Variants in EML6 observed in about 807,000 individuals in gnomAD.
EML6 encodes echinoderm microtubule-associated protein-like 6.
EML6 carries 154 observed loss-of-function variants against 240.1 expected under a neutral mutation model. The observed-to-expected ratio is 0.64, with a 90% CI of 0.56 to 0.73. EML6 has a LOEUF of 0.73. Among genes scored for constraint, EML6 ranks in the 30% least tolerant of loss-of-function variants. EML6 has a pLI of 0.00. For missense variants in EML6, 2,964 were observed against 2,474.6 expected (o/e 1.20, Z -4.20); for synonymous variants, 1,148 against 899.0 (o/e 1.28, Z -4.95).
At chr2:54,846,485 T>C (rs1281321774) in intron 8 of EML6, among the ~76,000 whole-genome samples, 1 of 4,324 alleles carries the variant, frequency 2.3e-4, no homozygotes, top group Non-Finnish European at 6.4e-4. Flanking sequence ...TGATACATAA[T>C]TTTTTTTTTT....
chr2:54,904,255 C>G (rs1242180626), intron 24 of EML6, among the ~76,000 whole-genome samples: 1 of 152,082 alleles, frequency 6.6e-6, no homozygotes, highest in Non-Finnish European at 1.5e-5. Context: ...CCGAATGGGC[C>G]ACGGCAGCAT....
chr2:54,899,939 A>C (rs565445394), intron 22 of EML6, among the ~76,000 whole-genome samples, 157 bp downstream of exon 22: 1 of 152,350 alleles, frequency 6.6e-6, no homozygotes, highest in South Asian at 2.1e-4. Flanking sequence ...AGTCATAACT[A>C]AGCACATGTA....
chr2:54,891,868 G>A (rs188487078), intron 18 of EML6, among the ~76,000 whole-genome samples: 1 of 152,264 alleles, frequency 6.6e-6, no homozygotes, highest in Non-Finnish European at 1.5e-5. Flanking sequence ...AGGGAGTGTG[G>A]GGAAATGTGA....
At chr2:54,953,351 G>T (rs1326874194) in intron 31 of EML6, among the ~76,000 whole-genome samples, 1 of 152,190 alleles carries the variant, frequency 6.6e-6, no homozygotes, top group Non-Finnish European at 1.5e-5. Context: ...GTTTGAATCT[G>T]CAGAGCAAAA....
intron 17 of EML6, among the ~76,000 whole-genome samples, chr2:54,888,417 A>C (rs1672272622): frequency 6.6e-6 from 1 of 152,174 alleles, no homozygotes; most frequent in South Asian, 2.1e-4. Flanking sequence ...GTATTATATA[A>C]AGTTGAACCA....
chr2:54,931,444 G>C (rs1291012643), intron 28 of EML6, among the ~76,000 whole-genome samples: 1 of 152,136 alleles, frequency 6.6e-6, no homozygotes, highest in Non-Finnish European at 1.5e-5. Flanking sequence ...GAATGACAGA[G>C]GGACAGAGAA....
intron 2 of EML6, among the ~76,000 whole-genome samples, chr2:54,801,576 G>A (rs1452907137): frequency 2.6e-5 from 4 of 152,206 alleles, no homozygotes; most frequent in African/African-American, 9.6e-5. Flanking sequence ...ATAGAATATG[G>A]ATGAATCCGT....
At chr2:54,955,282 T>C (rs1251560466) in intron 32 of EML6, among the ~76,000 whole-genome samples, 2 of 152,138 alleles carry the variant, frequency 1.3e-5, no homozygotes, top group Non-Finnish European at 2.9e-5. Context: ...GCATCTTAAA[T>C]GATAGACAGA....
chr2:54,946,196 ACCCTGCCC>A (rs926393868), intron 28 of EML6, among the ~76,000 whole-genome samples: 3 of 151,922 alleles, frequency 2.0e-5, no homozygotes, highest in African/African-American at 7.2e-5. Flanking sequence ...TTGTTCCCTG[ACCCTGCCC>A]CCCTGCCCAT....
intron 10 of EML6, among the ~76,000 whole-genome samples, chr2:54,853,097 C>A (rs1215545009): frequency 1.3e-5 from 2 of 151,884 alleles, no homozygotes; most frequent in Non-Finnish European, 2.9e-5. Context: ...ATCTACTGAG[C>A]CTGAATTTTA....
intron 2 of EML6, among the ~76,000 whole-genome samples, chr2:54,744,710 G>A (rs563134272): frequency 1.9e-4 from 29 of 152,088 alleles, no homozygotes; most frequent in Non-Finnish European, 3.4e-4. Flanking sequence ...GAGGGACCGA[G>A]GAGGAGGATT....
At chr2:54,739,120 A>C (rs1683524333) in intron 2 of EML6, among the ~76,000 whole-genome samples, 1 of 152,336 alleles carries the variant, frequency 6.6e-6, no homozygotes, top group African/African-American at 2.4e-5. Context: ...AAATATATAC[A>C]TATATTCTAT....
intron 2 of EML6, among the ~76,000 whole-genome samples, chr2:54,762,218 T>C (rs1265582407): frequency 6.6e-6 from 1 of 152,190 alleles, no homozygotes; most frequent in Non-Finnish European, 1.5e-5. Context: ...TTTTACTGAA[T>C]GTCCCTCAAG....
intron 21 of EML6, 117 bp downstream of exon 21, chr2:54,895,517 G>A: frequency 1.1e-6 from 1 of 949,974 alleles, no homozygotes; most frequent in Non-Finnish European, 1.6e-6. Context: ...GGTTGCACAA[G>A]AGTTGAACTA....
intron 2 of EML6, among the ~76,000 whole-genome samples, chr2:54,748,077 A>C (rs1482573230): frequency 6.6e-6 from 1 of 152,198 alleles, no homozygotes; most frequent in Non-Finnish European, 1.5e-5. Flanking sequence ...TTATTACAAA[A>C]ATTATAATGG....
At chr2:54,953,547 T>C (rs973592392) in intron 31 of EML6, among the ~76,000 whole-genome samples, 2 of 152,194 alleles carry the variant, frequency 1.3e-5, no homozygotes, top group African/African-American at 4.8e-5. Context: ...GGTCAGGCTA[T>C]AGGTCTCTTA....
At chr2:54,760,187 T>G (rs1250943844) in intron 2 of EML6, among the ~76,000 whole-genome samples, 2 of 151,916 alleles carry the variant, frequency 1.3e-5, no homozygotes, top group Admixed American at 6.6e-5. Context: ...ACTACTTAAG[T>G]AATACATGAA....
At chr2:54,909,190 G>A (rs1240756699) in intron 24 of EML6, among the ~76,000 whole-genome samples, 1 of 152,188 alleles carries the variant, frequency 6.6e-6, no homozygotes, top group African/African-American at 2.4e-5. Context: ...TGTGTTCACT[G>A]AATAACCGTC....
chr2:54,829,917 A>C (rs1012705275), intron 7 of EML6, among the ~76,000 whole-genome samples: 3 of 152,224 alleles, frequency 2.0e-5, no homozygotes, highest in African/African-American at 7.2e-5. Context: ...GGTGGGTTCA[A>C]ACTCTTTTTA....
Sources: gnomAD v4.1 joint callset for allele counts (sites outside exome capture counted in the v4.1 genomes callset) on GRCh38, gnomAD v4.1.1 for gene constraint, MANE v1.5 for transcripts, NCBI Gene and HGNC (gene_info 2026-07-23, HGNC 2026-07-21) for gene names.